Variants in SPMIP3 observed in about 807,000 individuals in gnomAD.
SPMIP3 encodes the protein sperm microtubule inner protein 3.
chr1:244,357,650 A>T, the SPMIP3 span, among the ~76,000 whole-genome samples: 1 of 144,924 alleles, frequency 6.9e-6, no homozygotes, highest in Admixed American at 7.2e-5. Context: ...TGGAGGTTGC[A>T]GTGAGCCAAG....
chr1:244,388,399 C>T, the SPMIP3 span, among the ~76,000 whole-genome samples: 3 of 145,170 alleles, frequency 2.1e-5, no homozygotes, highest in Non-Finnish European at 4.5e-5. Flanking sequence ...CAGACGTACT[C>T]TCTATTCTGA....
At chr1:244,385,870 ATATCT>A in the SPMIP3 span, among the ~76,000 whole-genome samples, 2 of 152,160 alleles carry the variant, frequency 1.3e-5, no homozygotes, top group Non-Finnish European at 2.9e-5. Context: ...TCCTTGAAAA[ATATCT>A]TAGACTGGCC....
chr1:244,382,804 A>G, the SPMIP3 span, among the ~76,000 whole-genome samples: 2 of 151,918 alleles, frequency 1.3e-5, no homozygotes, highest in African/African-American at 4.8e-5. Context: ...CGGTTTCACC[A>G]TGTTGGACAG....
the SPMIP3 span, chr1:244,388,910 A>C: frequency 6.7e-7 from 1 of 1,483,172 alleles, no homozygotes; most frequent in Non-Finnish European, 9.4e-7. Flanking sequence ...ATTAGGAGTG[A>C]GTAGTCTTTA....
chr1:244,364,751 G>C, the SPMIP3 span: 23 of 1,613,788 alleles, frequency 1.4e-5, no homozygotes, highest in Admixed American at 1.7e-5. Context: ...CAGTGATCCC[G>C]CCAAGGTATA....
the SPMIP3 span, among the ~76,000 whole-genome samples, chr1:244,376,083 A>G: frequency 6.6e-6 from 1 of 152,176 alleles, no homozygotes; most frequent in African/African-American, 2.4e-5. Flanking sequence ...GTTAAGCATG[A>G]AATAAGAACA....
chr1:244,379,024 G>A, the SPMIP3 span, among the ~76,000 whole-genome samples: 2 of 152,072 alleles, frequency 1.3e-5, no homozygotes, highest in African/African-American at 4.8e-5. Context: ...CGCCTCCTGG[G>A]TTCACTCCAT....
At chr1:244,382,171 G>A in the SPMIP3 span, among the ~76,000 whole-genome samples, 4 of 151,980 alleles carry the variant, frequency 2.6e-5, no homozygotes, top group Non-Finnish European at 5.9e-5. Context: ...ACCTGCTTCC[G>A]CAGGGCTGAC....
the SPMIP3 span, among the ~76,000 whole-genome samples, chr1:244,354,204 G>A: frequency 6.6e-6 from 1 of 151,964 alleles, no homozygotes; most frequent in Non-Finnish European, 1.5e-5. Context: ...TTGGGACCCT[G>A]ACTCTAATAT....
chr1:244,364,088 C>T, the SPMIP3 span, among the ~76,000 whole-genome samples: 2 of 151,234 alleles, frequency 1.3e-5, no homozygotes, highest in Non-Finnish European at 2.9e-5. Context: ...CTAACATTAG[C>T]ACAGTACCTT....
the SPMIP3 span, among the ~76,000 whole-genome samples, chr1:244,368,604 A>G: frequency 6.6e-6 from 1 of 152,230 alleles, no homozygotes; most frequent in African/African-American, 2.4e-5. Flanking sequence ...CATTCCTGGT[A>G]GGCCCTGTAG....
the SPMIP3 span, chr1:244,378,734 T>A: frequency 7.4e-7 from 1 of 1,359,616 alleles, no homozygotes; most frequent in Non-Finnish European, 1.0e-6. Flanking sequence ...AGGGAGCCTG[T>A]TTGGGACCAG....
At chr1:244,372,539 G>A in the SPMIP3 span, among the ~76,000 whole-genome samples, 1 of 151,702 alleles carries the variant, frequency 6.6e-6, no homozygotes, top group Non-Finnish European at 1.5e-5. Flanking sequence ...CACCTTCCAG[G>A]TTCACACCAT....
the SPMIP3 span, among the ~76,000 whole-genome samples, chr1:244,362,452 T>C: frequency 2.6e-5 from 4 of 152,214 alleles, no homozygotes; most frequent in Non-Finnish European, 5.9e-5. Context: ...TAAAACTCTG[T>C]AGGGTTGCTG....
At chr1:244,358,562 G>C in the SPMIP3 span, among the ~76,000 whole-genome samples, 106,042 of 150,640 alleles carry the variant, frequency 0.7, 37,982 homozygotes, top group South Asian at 0.8. Context: ...TCCAGCCTAA[G>C]TGATAGAGTG....
chr1:244,365,558 A>G, the SPMIP3 span, among the ~76,000 whole-genome samples: 2 of 152,186 alleles, frequency 1.3e-5, no homozygotes, highest in African/African-American at 4.8e-5. Context: ...TCTTTATAAA[A>G]TACCCAGTCT....
chr1:244,370,094 A>G, the SPMIP3 span, among the ~76,000 whole-genome samples: 1 of 152,224 alleles, frequency 6.6e-6, no homozygotes, highest in Non-Finnish European at 1.5e-5. Context: ...TTAAAAGGGA[A>G]ATTCCGCCGA....
chr1:244,357,546 T>C, the SPMIP3 span, among the ~76,000 whole-genome samples: 1 of 151,480 alleles, frequency 6.6e-6, no homozygotes. Flanking sequence ...TTGTCTCTAC[T>C]AAAAATACAA....
chr1:244,361,235 C>CTTTTTTTTTTTTTTTT, the SPMIP3 span, among the ~76,000 whole-genome samples: 33 of 119,298 alleles, frequency 2.8e-4, no homozygotes, highest in South Asian at 8.3e-4. Context: ...TTCTTTCTTT[C>CTTTTTTTTTTTTTTTT]TTTTTTTTTT....
Sources: gnomAD v4.1 joint callset for allele counts (sites outside exome capture counted in the v4.1 genomes callset) on GRCh38, gnomAD v4.1.1 for gene constraint, MANE v1.5 for transcripts, NCBI Gene and HGNC (gene_info 2026-07-23, HGNC 2026-07-21) for gene names.